KCND3: variants seen among roughly 807,000 people sequenced by gnomAD.
KCND3 encodes A-type voltage-gated potassium channel KCND3.
In KCND3, 9 loss-of-function variants were observed where a neutral mutation model predicts 51.1. The observed-to-expected ratio is 0.18, with a 90% CI of 0.11 to 0.31. The LOEUF is 0.31. Ranked by LOEUF, KCND3 falls within the 10% of genes least tolerant of loss-of-function variation. The pLI is 1.00. For missense variants in KCND3, 526 were observed against 903.8 expected, an observed-to-expected ratio of 0.58 and a Z score of 5.36; for synonymous variants, 349 against 368.0, an observed-to-expected ratio of 0.95 and a Z score of 0.59.
At chr1:111,965,666 C>A (rs1291180871) in intron 2 of KCND3, among the ~76,000 whole-genome samples, 1 of 152,166 alleles carries the variant, frequency 6.6e-6, no homozygotes, top group African/African-American at 2.4e-5. Context: ...CTTGCAGCCC[C>A]TATCTGGATA....
In KCND3 at chr1:111,950,300, C is replaced by T. The variant is rs528341458; in HGVS notation, c.1106+31321G>A. On this transcript the variant is annotated intron_variant, in intron 2 of 7. Coordinates refer to ENST00000302127, the MANE Select transcript of KCND3 (RefSeq NM_001378969.1). ...ATTTAATTTTTTTGAAAATACTGGT[C>T]GTGACCCACTAAGTTAATTTTGTGA... Among the ~76,000 whole-genome samples the T allele has an allele frequency of 2.0e-3, 298 of 152,234 alleles. 1 individual carries two copies. Among genetic ancestry groups the T allele is most frequent in the African/African-American group, 6.9e-3 (288 of 41,528 alleles).
At chr1:111,882,058 G>A (rs1268923688) in intron 2 of KCND3, among the ~76,000 whole-genome samples, 2 of 152,140 alleles carry the variant, frequency 1.3e-5, no homozygotes, top group African/African-American at 4.8e-5. Flanking sequence ...GAGGCAGGTG[G>A]GTGGCCTCTC....
intron 2 of KCND3, among the ~76,000 whole-genome samples, chr1:111,847,986 C>A (rs1165979638): frequency 6.6e-6 from 1 of 152,244 alleles, no homozygotes; most frequent in African/African-American, 2.4e-5. Context: ...CACGGCCTCC[C>A]CTCAGGCCAC....
intron 2 of KCND3, among the ~76,000 whole-genome samples, chr1:111,951,320 G>A (rs537370687): frequency 9.2e-5 from 14 of 152,242 alleles, no homozygotes; most frequent in Non-Finnish European, 1.8e-4. Context: ...GTGAGTCCAT[G>A]GTCCATACAC....
chr1:111,848,897 G>C (rs762190014), intron 2 of KCND3, among the ~76,000 whole-genome samples: 11 of 152,110 alleles, frequency 7.2e-5, no homozygotes, highest in Non-Finnish European at 1.0e-4. Context: ...ACAGGGGCTG[G>C]GGGCACCTCT....
At chr1:111,781,169 T>C (rs1255892887) in intron 3 of KCND3, among the ~76,000 whole-genome samples, 3 of 152,212 alleles carry the variant, frequency 2.0e-5, no homozygotes, top group Non-Finnish European at 2.9e-5. Flanking sequence ...GGAGTGTATG[T>C]GATAGCTGCC....
intron 2 of KCND3, among the ~76,000 whole-genome samples, chr1:111,805,114 CG>C (rs1665503151): frequency 6.6e-6 from 1 of 152,202 alleles, no homozygotes; most frequent in Non-Finnish European, 1.5e-5. Context: ...GAGGAAAGGG[CG>C]GCCTAAGCTG....
chr1:111,829,724 A>G (rs1011067815), intron 2 of KCND3, among the ~76,000 whole-genome samples: 1 of 151,972 alleles, frequency 6.6e-6, no homozygotes, highest in African/African-American at 2.4e-5. Flanking sequence ...ATAACCCAGC[A>G]CCTCACTGGA....
chr1:111,880,691 T>C (rs1016470630), intron 2 of KCND3, among the ~76,000 whole-genome samples: 2 of 152,204 alleles, frequency 1.3e-5, no homozygotes, highest in Admixed American at 1.3e-4. Flanking sequence ...CATTTAAACC[T>C]TATTGAAATT....
intron 2 of KCND3, among the ~76,000 whole-genome samples, chr1:111,806,584 C>T (rs998160006): frequency 6.6e-6 from 1 of 152,166 alleles, no homozygotes; most frequent in Admixed American, 6.6e-5. Context: ...ATATCCACTT[C>T]CAGTAATGTA....
chr1:111,896,731 C>T (rs540175994), intron 2 of KCND3, among the ~76,000 whole-genome samples: 1 of 152,302 alleles, frequency 6.6e-6, no homozygotes, highest in South Asian at 2.1e-4. Context: ...GGTGGCATCC[C>T]CTTTATGGGC....
intron 2 of KCND3, among the ~76,000 whole-genome samples, chr1:111,826,812 T>C (rs1666600275): frequency 6.6e-6 from 1 of 152,250 alleles, no homozygotes; most frequent in Non-Finnish European, 1.5e-5. Context: ...ACCTGAAATA[T>C]GCTGATCTTT....
intron 2 of KCND3, among the ~76,000 whole-genome samples, chr1:111,911,513 A>T (rs954314734): frequency 7.9e-5 from 12 of 152,218 alleles, no homozygotes; most frequent in Admixed American, 3.3e-4. Flanking sequence ...TCATTCAACA[A>T]CGTTTATTGA....
chr1:111,861,398 C>T (rs1668334474), intron 2 of KCND3, among the ~76,000 whole-genome samples: 1 of 152,116 alleles, frequency 6.6e-6, no homozygotes, highest in South Asian at 2.1e-4. Flanking sequence ...TCCTTCTAAA[C>T]TTCAACTGTG....
At chr1:111,915,926 A>G (rs1671196466) in intron 2 of KCND3, among the ~76,000 whole-genome samples, 1 of 152,122 alleles carries the variant, frequency 6.6e-6, no homozygotes, top group African/African-American at 2.4e-5. Context: ...AAAATACATG[A>G]AGCAAAAGTT....
intron 2 of KCND3, among the ~76,000 whole-genome samples, chr1:111,796,046 T>C (rs1015517573): frequency 3.3e-5 from 5 of 152,248 alleles, no homozygotes; most frequent in African/African-American, 1.2e-4. Flanking sequence ...CTTTTTTGCT[T>C]GTTGACTTGT....
rs142889113 is a variant in KCND3 at position 111,918,259 on chromosome 1, G to A, written c.1106+63362C>T. Among the ~76,000 whole-genome samples, 1,137 of 152,292 alleles carry A rather than the reference G, an allele frequency of 7.5e-3. 9 individuals carry two copies. The highest frequency in any genetic ancestry group is 0.012 in the Non-Finnish European group (816 of 68,024). On this transcript the variant is annotated intron_variant, in intron 2 of 7. Transcript: ENST00000302127. ...GTCAATGCTAGCAGTTGTGTGAAAA[G>A]ACAATGAGATCTAAAAAGGAAGACC...
Position 111,908,884 on chromosome 1 carries a change from G to C in KCND3, c.1106+72737C>G, listed in dbSNP as rs548788077. Among the ~76,000 whole-genome samples, 24 of 149,634 alleles carry C rather than the reference G, an allele frequency of 1.6e-4. No homozygotes were observed. The South Asian group carries it at 4.9e-3, about 30-fold the overall frequency. On this transcript the variant is annotated intron_variant, in intron 2 of 7. Transcript: ENST00000302127. The stretch of plus-strand genomic sequence containing the variant: ...GAAAGGAATAAATAAAACTAAAGCA[G>C]CAAGGAACTTCCCATCTCGGTGGCT...
chr1:111,787,966 C>T (rs573918552), intron 2 of KCND3, among the ~76,000 whole-genome samples: 2 of 152,344 alleles, frequency 1.3e-5, no homozygotes, highest in South Asian at 4.1e-4. Context: ...GCCATAGCAT[C>T]TCAGAGGAGG....
Sources: allele counts gnomAD v4.1 joint callset (sites outside exome capture counted in the v4.1 genomes callset), GRCh38; gene constraint gnomAD v4.1.1; transcripts MANE v1.5; gene names NCBI Gene and HGNC (gene_info 2026-07-23, HGNC 2026-07-21).